Variants in CNTN5 observed in about 807,000 individuals in gnomAD.
CNTN5 encodes the protein contactin 5.
In CNTN5, 77 loss-of-function variants were observed where a neutral mutation model predicts 129.1. The observed-to-expected ratio is 0.60, with a 90% confidence interval of 0.50 to 0.72. The LOEUF (loss-of-function observed/expected upper bound fraction) is 0.72. Among genes scored for constraint, CNTN5 ranks in the 30% least tolerant of loss-of-function variants. The pLI, the probability that CNTN5 is intolerant of heterozygous loss-of-function variation, is 0.00. For synonymous variants in CNTN5, 509 were observed against 465.6 expected (o/e 1.09, Z -1.20); for missense variants, 1,478 against 1,328.8 (o/e 1.11, Z -1.75).
intron 24 of CNTN5, among the ~76,000 whole-genome samples, chr11:100,353,936 G>C (rs1331987098): frequency 6.6e-6 from 1 of 151,448 alleles, no homozygotes; most frequent in Non-Finnish European, 1.5e-5. Context: ...ACTCAGTCTA[G>C]CCAGAGAGGA....
intron 9 of CNTN5, among the ~76,000 whole-genome samples, chr11:100,039,540 C>A (rs1207517293): frequency 6.6e-6 from 1 of 152,188 alleles, no homozygotes; most frequent in Non-Finnish European, 1.5e-5. Flanking sequence ...GGGAAGTTCT[C>A]CTGGGTAGTA....
chr11:99,367,924 T>A (rs1485929929), intron 2 of CNTN5, among the ~76,000 whole-genome samples: 1 of 152,188 alleles, frequency 6.6e-6, no homozygotes, highest in Non-Finnish European at 1.5e-5. Context: ...GGACTTGGCT[T>A]TTTGTTAAGC....
At chr11:99,826,418 A>G (rs1039764947) in intron 4 of CNTN5, among the ~76,000 whole-genome samples, 1 of 152,162 alleles carries the variant, frequency 6.6e-6, no homozygotes, top group Non-Finnish European at 1.5e-5. Flanking sequence ...GTAGCCTCAC[A>G]TGCTCACAGA....
chr11:99,540,049 T>C (rs1948044469), intron 2 of CNTN5, among the ~76,000 whole-genome samples: 1 of 152,166 alleles, frequency 6.6e-6, no homozygotes, highest in South Asian at 2.1e-4. Context: ...TCTGAGAAAA[T>C]GTGAACAAGT....
At chr11:99,710,577 G>GCA (rs1217552794) in intron 3 of CNTN5, among the ~76,000 whole-genome samples, 30 of 131,150 alleles carry the variant, frequency 2.3e-4, no homozygotes, top group African/African-American at 8.3e-4. Flanking sequence ...ATGTGTGTGT[G>GCA]TGTGTGTGTG....
chr11:99,238,391 T>C (rs1591400091), intron 1 of CNTN5, among the ~76,000 whole-genome samples: 1 of 152,272 alleles, frequency 6.6e-6, no homozygotes, highest in South Asian at 2.1e-4. Flanking sequence ...ACCTACACAA[T>C]TTCAATTACC....
At chr11:100,119,131 G>A (rs1462760339) in intron 13 of CNTN5, among the ~76,000 whole-genome samples, 1 of 151,718 alleles carries the variant, frequency 6.6e-6, no homozygotes, top group Non-Finnish European at 1.5e-5. Context: ...AAAAAGAAGA[G>A]GCATAGAACA....
At chr11:99,118,852 T>C (rs926802441) in intron 1 of CNTN5, among the ~76,000 whole-genome samples, 2 of 151,802 alleles carry the variant, frequency 1.3e-5, no homozygotes, top group African/African-American at 4.8e-5. Context: ...ATAATTATGG[T>C]ATACCTAAAT....
chr11:99,785,062 A>G (rs1030710501), intron 3 of CNTN5, among the ~76,000 whole-genome samples: 4 of 135,070 alleles, frequency 3.0e-5, no homozygotes, highest in Non-Finnish European at 3.3e-5. Flanking sequence ...GCCTGCCTCC[A>G]CCTGCCTATG....
chr11:100,292,314 C>T (rs1025800282), intron 18 of CNTN5, among the ~76,000 whole-genome samples: 5 of 151,954 alleles, frequency 3.3e-5, no homozygotes, highest in African/African-American at 4.8e-5. Flanking sequence ...GCATTGAGTT[C>T]TTTGAAGACA....
intron 3 of CNTN5, among the ~76,000 whole-genome samples, chr11:99,707,355 A>G (rs943402855): frequency 4.6e-5 from 7 of 151,708 alleles, no homozygotes; most frequent in African/African-American, 9.6e-5. Flanking sequence ...ACTAACCTAA[A>G]AAAATAATAA....
At position 99,350,364 on chromosome 11, in the gene CNTN5, A is replaced by G. The variant is rs143869421; in HGVS notation, c.-71+24880A>G. ...ACTCACATTCATTGTTGTGGAGACTATAAAATGGTCTAACCACTTTAGAAA... is the reference window on the plus strand; with the variant it reads ...ACTCACATTCATTGTTGTGGAGACTGTAAAATGGTCTAACCACTTTAGAAA... On this transcript the variant is annotated intron_variant, in intron 2 of 24. Coordinates refer to ENST00000524871, the MANE Select transcript of CNTN5 (RefSeq NM_014361.4). Among the ~76,000 whole-genome samples, 3 of 152,322 alleles carry G rather than the reference A, an allele frequency of 2.0e-5. No individual in the cohort carries two copies. The East Asian group carries it at 5.8e-4, about 29-fold the overall frequency.
At chr11:99,845,366 CTTTTTTT>C (rs869305728) in intron 6 of CNTN5, 104 bp downstream of exon 6, 10 of 86,196 alleles carry the variant, frequency 1.2e-4, no homozygotes, top group Middle Eastern at 0.013. Flanking sequence ...GATCTCAAAT[CTTTTTTT>C]TTTTTTTTTT....
At chr11:99,247,603 C>A (rs1013778191) in intron 1 of CNTN5, among the ~76,000 whole-genome samples, 1 of 149,626 alleles carries the variant, frequency 6.7e-6, no homozygotes, top group African/African-American at 2.5e-5. Flanking sequence ...TAATGCTATC[C>A]CTCCCCCTTT....
chr11:100,344,548 G>T (rs1952237438), intron 23 of CNTN5, among the ~76,000 whole-genome samples: 1 of 152,076 alleles, frequency 6.6e-6, no homozygotes, highest in Non-Finnish European at 1.5e-5. Context: ...TATACTATAA[G>T]ATAGAAGAAA....
chr11:99,941,729 T>TG (rs2136113380), intron 7 of CNTN5, among the ~76,000 whole-genome samples: 1 of 152,174 alleles, frequency 6.6e-6, no homozygotes, highest in East Asian at 1.9e-4. Context: ...TGCAGGTAAC[T>TG]GGGGAATGCG....
intron 3 of CNTN5, among the ~76,000 whole-genome samples, chr11:99,582,390 A>G (rs1340462688): frequency 6.6e-6 from 1 of 152,094 alleles, no homozygotes; most frequent in Non-Finnish European, 1.5e-5. Flanking sequence ...TAGGTTGGAG[A>G]AGTTCTCCTG....
chr11:99,622,866 G>A (rs1251080160), intron 3 of CNTN5, among the ~76,000 whole-genome samples: 1 of 150,714 alleles, frequency 6.6e-6, no homozygotes, highest in African/African-American at 2.4e-5. Flanking sequence ...GAACCTGCAT[G>A]CTCTTTTTCA....
intron 3 of CNTN5, among the ~76,000 whole-genome samples, chr11:99,628,775 T>G (rs564645404): frequency 1.3e-5 from 2 of 152,216 alleles, no homozygotes; most frequent in Non-Finnish European, 2.9e-5. Flanking sequence ...TACTTCTGTT[T>G]GATTTTTTTC....
Sources: gnomAD v4.1 joint callset for allele counts (sites outside exome capture counted in the v4.1 genomes callset) on GRCh38, gnomAD v4.1.1 for gene constraint, MANE v1.5 for transcripts, NCBI Gene and HGNC (gene_info 2026-07-23, HGNC 2026-07-21) for gene names.